LOC400499: variants seen among roughly 807,000 people sequenced by gnomAD.
chr16:11,489,817 G>A, the LOC400499 span, among the ~76,000 whole-genome samples: 1 of 152,158 alleles, frequency 6.6e-6, no homozygotes, highest in East Asian at 1.9e-4. Flanking sequence ...ATTCAGCAAC[G>A]TCACATCAGA....
chr16:11,382,504 G>T, the LOC400499 span, among the ~76,000 whole-genome samples: 1 of 152,208 alleles, frequency 6.6e-6, no homozygotes, highest in African/African-American at 2.4e-5. Context: ...GGTAGCTGGT[G>T]TTAGAACTGA....
At chr16:11,443,520 T>C in the LOC400499 span, 2 of 277,298 alleles carry the variant, frequency 7.2e-6, no homozygotes, top group South Asian at 2.8e-5. Flanking sequence ...AATGACTATC[T>C]TCCTTGCACA....
chr16:11,514,838 T>C, the LOC400499 span, among the ~76,000 whole-genome samples: 3 of 152,168 alleles, frequency 2.0e-5, no homozygotes, highest in African/African-American at 7.2e-5. Flanking sequence ...AAAGCGTCAG[T>C]ATGAAAACAT....
chr16:11,377,577 C>G, the LOC400499 span, among the ~76,000 whole-genome samples: 1 of 152,180 alleles, frequency 6.6e-6, no homozygotes, highest in African/African-American at 2.4e-5. Context: ...CATGTGTTTT[C>G]TTTCGTTCAT....
chr16:11,428,399 C>CCTGACCTCGGGTGATCCACCTGCTT, the LOC400499 span, among the ~76,000 whole-genome samples: 1 of 152,178 alleles, frequency 6.6e-6, no homozygotes, highest in African/African-American at 2.4e-5. Context: ...GTCTCGAACT[C>CCTGACCTCGGGTGATCCACCTGCTT]CTGACCTCGG....
chr16:11,416,987 G>A, the LOC400499 span, among the ~76,000 whole-genome samples: 22,713 of 151,920 alleles, frequency 0.15, 2,205 homozygotes, highest in African/African-American at 0.28. Context: ...TTGTGCTCTC[G>A]TGTGCACACA....
the LOC400499 span, chr16:11,385,367 C>T: frequency 2.4e-6 from 3 of 1,232,278 alleles, no homozygotes; most frequent in South Asian, 8.2e-5. Flanking sequence ...GGTCCCATAC[C>T]CGGCCGTCGA....
the LOC400499 span, among the ~76,000 whole-genome samples, chr16:11,416,773 C>T: frequency 6.6e-6 from 1 of 152,128 alleles, no homozygotes; most frequent in Non-Finnish European, 1.5e-5. Context: ...GGGAGAGACA[C>T]ATTCCAGGCA....
At chr16:11,487,933 G>C in the LOC400499 span, among the ~76,000 whole-genome samples, 1 of 151,998 alleles carries the variant, frequency 6.6e-6, no homozygotes, top group Non-Finnish European at 1.5e-5. Context: ...GGCCAGCATG[G>C]TGAAACCCCA....
chr16:11,514,423 C>G, the LOC400499 span: 1 of 399,150 alleles, frequency 2.5e-6, no homozygotes, highest in Non-Finnish European at 4.4e-6. Flanking sequence ...TCCTCATCTG[C>G]ACAGCGCTTG....
At chr16:11,492,935 G>A in the LOC400499 span, among the ~76,000 whole-genome samples, 1 of 152,122 alleles carries the variant, frequency 6.6e-6, no homozygotes, top group African/African-American at 2.4e-5. Flanking sequence ...AAGCTAAGAC[G>A]TACAGGATGT....
the LOC400499 span, chr16:11,471,793 A>C: frequency 1.3e-5 from 5 of 399,084 alleles, no homozygotes; most frequent in African/African-American, 2.1e-5. Flanking sequence ...TCCAGTGCAC[A>C]GTCGCCAGCC....
chr16:11,397,632 C>T, the LOC400499 span, among the ~76,000 whole-genome samples: 1 of 152,048 alleles, frequency 6.6e-6, no homozygotes, highest in Admixed American at 6.6e-5. Context: ...TCTATAGCTG[C>T]TTTCACAAGA....
At chr16:11,445,576 C>G in the LOC400499 span, among the ~76,000 whole-genome samples, 1 of 152,072 alleles carries the variant, frequency 6.6e-6, no homozygotes, top group African/African-American at 2.4e-5. Flanking sequence ...GGTGACGGCT[C>G]CAGGCACACA....
chr16:11,408,703 T>C, the LOC400499 span, among the ~76,000 whole-genome samples: 1 of 151,950 alleles, frequency 6.6e-6, no homozygotes, highest in Non-Finnish European at 1.5e-5. Context: ...ACTCTAACAA[T>C]TCTCCTTCCT....
chr16:11,419,241 C>A, the LOC400499 span, among the ~76,000 whole-genome samples: 1 of 151,840 alleles, frequency 6.6e-6, no homozygotes, highest in African/African-American at 2.4e-5. Context: ...GGTACTGGTA[C>A]CAAAACAGAG....
chr16:11,444,715 G>A, the LOC400499 span, among the ~76,000 whole-genome samples: 1 of 152,196 alleles, frequency 6.6e-6, no homozygotes, highest in African/African-American at 2.4e-5. Flanking sequence ...ACCAAGCCCT[G>A]TGGCTACGGT....
the LOC400499 span, chr16:11,404,993 G>A: frequency 1.5e-5 from 6 of 396,750 alleles, no homozygotes; most frequent in Non-Finnish European, 4.4e-6. Context: ...CCTGAATGGT[G>A]ACATATGTCA....
At chr16:11,471,865 G>A in the LOC400499 span, 1 of 399,086 alleles carries the variant, frequency 2.5e-6, no homozygotes. Flanking sequence ...AGACTCAGAG[G>A]GCTCTGGGCA....
Sources: gnomAD v4.1 joint callset for allele counts (sites outside exome capture counted in the v4.1 genomes callset) on GRCh38, gnomAD v4.1.1 for gene constraint, MANE v1.5 for transcripts.